The following RPL5 variants were observed in gnomAD, a reference collection of about 807,000 sequenced individuals.
RPL5 encodes the protein ribosomal protein L5.
A neutral mutation model predicts 38.4 loss-of-function variants in RPL5; 1 was observed. The observed-to-expected ratio is 0.03, with a 90% CI of 0.01 to 0.12. The LOEUF (loss-of-function observed/expected upper bound fraction) is 0.12. Among genes scored for constraint, RPL5 ranks in the 10% least tolerant of loss-of-function variants. The pLI is 1.00. For synonymous variants in RPL5, 109 were observed against 121.2 expected (o/e 0.90, Z 0.66); for missense variants, 243 against 374.1 (o/e 0.65, Z 2.89).
At chr1:92,841,644 A>T in intron 7 of RPL5, 122 bp from the exon 8 acceptor site, 1 of 594,652 alleles carries the variant, frequency 1.7e-6, no homozygotes, top group Non-Finnish European at 2.7e-6. Flanking sequence ...TGGATTATTT[A>T]ACCTTCTGAT....
chr1:92,832,373 G>T, intron 1 of RPL5: 1 of 625,588 alleles, frequency 1.6e-6, no homozygotes, highest in South Asian at 1.8e-5. Context: ...GAGTTTAGTA[G>T]ACAGCCTGAG....
At chr1:92,840,234 C>T (rs760497088) in intron 6 of RPL5, 11 of 324,904 alleles carry the variant, frequency 3.4e-5, no homozygotes, top group Non-Finnish European at 5.9e-5. Context: ...TGGTCTCAAA[C>T]TCCTGGGCTG....
At chr1:92,832,564 C>T (rs1438022910) in intron 1 of RPL5, among the ~76,000 whole-genome samples, 1 of 152,156 alleles carries the variant, frequency 6.6e-6, no homozygotes, top group Middle Eastern at 3.2e-3. Context: ...ATGTCGGAGC[C>T]GGCAAGTCTT....
At chr1:92,840,707 G>C in intron 7 of RPL5, 68 bp downstream of exon 7, 2 of 1,160,892 alleles carry the variant, frequency 1.7e-6, no homozygotes, top group Middle Eastern at 3.9e-4. Context: ...GGGGCAGACT[G>C]TTGGTGTAAT....
At chr1:92,836,163 C>T in intron 4 of RPL5, 27 bp from the exon 5 acceptor site, 1 of 1,594,728 alleles carries the variant, frequency 6.3e-7, no homozygotes, top group Admixed American at 1.7e-5. Flanking sequence ...TAATTGAAAC[C>T]AGCATTTACA....
chr1:92,832,554 A>G (rs964657402), intron 1 of RPL5, among the ~76,000 whole-genome samples: 3 of 152,168 alleles, frequency 2.0e-5, no homozygotes, highest in Non-Finnish European at 2.9e-5. Context: ...TTCCAGGAGA[A>G]TGTCGGAGCC....
chr1:92,837,061 C>T (rs1687158739), intron 5 of RPL5: 1 of 321,178 alleles, frequency 3.1e-6, no homozygotes, highest in Non-Finnish European at 6.0e-6. Context: ...GTTGCAAGTA[C>T]ACCAAGAGCA....
Position 92,832,077 on chromosome 1 carries a change from C to G in RPL5, c.-38C>G, listed in dbSNP as rs372080902. 40 of 1,613,804 alleles carry G rather than the reference C, an allele frequency of 2.5e-5. No homozygotes were observed. Among genetic ancestry groups the G allele is most frequent in the East Asian group, 1.3e-4 (6 of 44,870 alleles). On this transcript the variant is annotated 5_prime_UTR_variant, in exon 1 of 8. Coordinates refer to ENST00000370321, the MANE Select transcript of RPL5 (RefSeq NM_000969.5). ...CCCTAGCGCCGCTGGGCCTGCAGGT[C>G]TCTGTCGAGCAGCGGACGCCGGTCT...
chr1:92,834,939 T>C (rs749726220), intron 4 of RPL5, 26 bp downstream of exon 4: 1 of 1,599,872 alleles, frequency 6.3e-7, no homozygotes, highest in Non-Finnish European at 8.5e-7. Context: ...TTTTAATTGA[T>C]GTAGTTTGTG....
chr1:92,833,744 A>AC, intron 3 of RPL5, 84 bp downstream of exon 3: 2 of 1,100,080 alleles, frequency 1.8e-6, no homozygotes, highest in Non-Finnish European at 2.8e-6. Context: ...TGTGTGTTAG[A>AC]AGGGCTGTCT....
At chr1:92,833,354 C>T (rs779636137) in intron 1 of RPL5, 35 bp from the exon 2 acceptor site, 2 of 1,511,876 alleles carry the variant, frequency 1.3e-6, no homozygotes, top group Non-Finnish European at 9.2e-7. Context: ...TAGGCTAAGA[C>T]ATCAAAGTTT....
chr1:92,840,527 ACT>A lies in RPL5; in HGVS notation c.706-23_706-22del, dbSNP rs750819499. On this transcript the variant is annotated intron_variant, in intron 6 of 7. Coordinates refer to ENST00000370321, the MANE Select transcript of RPL5 (RefSeq NM_000969.5). ...TAGGGCACATGAAATGAAACCAAGTACTGTTTGCTTTCCTTTGTTTCAGATGG... is the reference window on the plus strand; with the variant it reads ...TAGGGCACATGAAATGAAACCAAGTAGTTTGCTTTCCTTTGTTTCAGATGG... 2.6e-5 allele frequency: 41 copies of A among 1,566,506 alleles called. 1 individual carries two copies. Among genetic ancestry groups the A allele is most frequent in the Admixed American group, 8.3e-5 (5 of 59,964 alleles).
rs138277390 is a variant in RPL5, at chr1:92,836,288, C to T, written c.423C>T (p.Ala141=). The T allele has an allele frequency of 9.4e-5, 151 of 1,614,124 alleles. 1 individual carries two copies. The African/African-American group carries it at 1.6e-3, about 17-fold the overall frequency. The change falls in exon 5 of 8, where the codon GCC becomes GCT. Residue 141 remains alanine, a synonymous_variant. Coordinates refer to ENST00000370321, the MANE Select transcript of RPL5 (RefSeq NM_000969.5). ...AAAGCATTGATGGTCAGCCAGGTGC[C>T]TTCACCTGCTATTTGGATGCAGGCC... ...NVESIDGQPG[A]FTCYLDAGLA... is the part of the protein sequence containing the mutation.
In RPL5 at chr1:92,834,882, C is replaced by T; in HGVS notation, c.293C>T (p.Ala98Val). The change falls in exon 4 of 8, where the codon GCA (alanine) becomes GTA (valine). Residue 98 changes from alanine to valine, a missense_variant. Coordinates refer to ENST00000370321, the MANE Select transcript of RPL5 (RefSeq NM_000969.5). ...VKVGLTNYAA[A>V]YCTGLLLARR... ...GTTGGCCTGACAAATTATGCTGCAG[C>T]ATATTGTACTGGCCTGCTGCTGGCC... The T allele has an allele frequency of 6.2e-7, 1 of 1,603,762 alleles. No individual in the cohort carries two copies. Among genetic ancestry groups the T allele is most frequent in the Non-Finnish European group, 8.5e-7 (1 of 1,179,990 alleles).
At chr1:92,836,633 G>A (rs1350619475) in intron 5 of RPL5, 5 of 516,650 alleles carry the variant, frequency 9.7e-6, no homozygotes, top group Non-Finnish European at 1.7e-5. Context: ...GAAAGAGATG[G>A]GATTGAAACC....
At position 92,832,128 on chromosome 1, in the gene RPL5, G is replaced by A. The variant is rs376414614; in HGVS notation, c.3+11G>A. On this transcript the variant is annotated intron_variant, in intron 1 of 7. Coordinates refer to ENST00000370321, the MANE Select transcript of RPL5 (RefSeq NM_000969.5). ...CTGTTCCGCAGGATGGTGAGTGGAT[G>A]CCTCGGTCTCGGGGCTTTAGATGCA... is the stretch of plus-strand genomic sequence containing the variant. 3.6e-5 allele frequency: 58 copies of A among 1,613,964 alleles called. No individual in the cohort carries two copies. In the Admixed American group the frequency reaches 4.0e-4, roughly 11 times the overall value.
At chr1:92,833,212 G>A (rs534200226) in intron 1 of RPL5, 177 bp from the exon 2 acceptor site, 22 of 652,806 alleles carry the variant, frequency 3.4e-5, no homozygotes, top group African/African-American at 2.9e-4. Context: ...TCTGTGACAT[G>A]GAAGGTAGAG....
At chr1:92,832,192 C>T (rs560167530) in intron 1 of RPL5, 75 bp downstream of exon 1, 1 of 1,600,238 alleles carries the variant, frequency 6.2e-7, no homozygotes. Flanking sequence ...CAGCCTAGGG[C>T]CCGTCTCGCG....
intron 4 of RPL5, 38 bp from the exon 5 acceptor site, chr1:92,836,152 A>G (rs1250217605): frequency 1.9e-6 from 3 of 1,570,428 alleles, no homozygotes. Flanking sequence ...AGCAGTTTGA[A>G]TAATTGAAAC....
Sources: gnomAD v4.1 joint callset for allele counts (sites outside exome capture counted in the v4.1 genomes callset) on GRCh38, gnomAD v4.1.1 for gene constraint, MANE v1.5 for transcripts, NCBI Gene and HGNC (gene_info 2026-07-23, HGNC 2026-07-21) for gene names.